Variants in SEMA3C observed in about 807,000 individuals in gnomAD.
SEMA3C encodes semaphorin-3C.
SEMA3C carries 47 observed loss-of-function variants against 89.4 expected under a neutral mutation model. That is an observed-to-expected ratio of 0.53 (90% CI 0.42 to 0.67). The LOEUF (loss-of-function observed/expected upper bound fraction) is 0.67, where lower values mean the gene tolerates loss of function less well. Among genes scored for constraint, SEMA3C ranks in the 30% least tolerant of loss-of-function variants. SEMA3C has a pLI of 0.00. For synonymous variants in SEMA3C, 310 were observed against 320.2 expected, an observed-to-expected ratio of 0.97 and a Z score of 0.34; for missense variants, 839 against 929.1, an observed-to-expected ratio of 0.90 and a Z score of 1.26.
intron 2 of SEMA3C, among the ~76,000 whole-genome samples, chr7:80,886,614 A>G (rs185385031): frequency 8.9e-4 from 135 of 152,252 alleles, no homozygotes; most frequent in Admixed American, 2.6e-3. Flanking sequence ...AGCCTCCCAA[A>G]GTGCTGGGAT....
chr7:80,776,977 G>T (rs1414204975), intron 12 of SEMA3C, among the ~76,000 whole-genome samples: 1 of 152,002 alleles, frequency 6.6e-6, no homozygotes, highest in African/African-American at 2.4e-5. Flanking sequence ...ATATATCATA[G>T]ATATGTGTGA....
intron 10 of SEMA3C, 101 bp downstream of exon 10, chr7:80,800,656 T>A (rs1447550852): frequency 4.1e-6 from 3 of 731,830 alleles, no homozygotes; most frequent in Non-Finnish European, 6.8e-6. Context: ...CCAAATGACA[T>A]GTAAAATTAA....
intron 7 of SEMA3C, 37 bp downstream of exon 7, chr7:80,805,602 C>T (rs2030924): frequency 0.18 from 287,177 of 1,561,560 alleles, 28,119 homozygotes; most frequent in Non-Finnish European, 0.2. Flanking sequence ...TAGTTTAACA[C>T]GATACTAAAA....
At chr7:80,911,591 T>C (rs1276996069) in intron 2 of SEMA3C, among the ~76,000 whole-genome samples, 1 of 152,010 alleles carries the variant, frequency 6.6e-6, no homozygotes, top group Non-Finnish European at 1.5e-5. Flanking sequence ...TGTTTAGGCA[T>C]GTCTATTAAT....
rs183276908 is a variant in SEMA3C at position 80,767,435 on chromosome 7, G to C, written c.1355-2192C>G. On this transcript the variant is annotated intron_variant, in intron 12 of 17. Transcript: ENST00000265361. ...ATATTTATGTCAAGATTTATAAATGGTTTCACAAGTCATGTAAACATTATG... is the reference window on the plus strand; with the variant it reads ...ATATTTATGTCAAGATTTATAAATGCTTTCACAAGTCATGTAAACATTATG... Among the ~76,000 whole-genome samples, 664 of 152,132 alleles carry C rather than the reference G, an allele frequency of 4.4e-3. 9 individuals are homozygous for C. The highest frequency in any genetic ancestry group is 0.015 in the African/African-American group (611 of 41,496).
chr7:80,848,830 CTA>C (rs1387918673), intron 2 of SEMA3C, among the ~76,000 whole-genome samples: 5 of 152,082 alleles, frequency 3.3e-5, no homozygotes, highest in Non-Finnish European at 7.4e-5. Context: ...TCTTCTCAGT[CTA>C]TGTTTTCGTT....
intron 2 of SEMA3C, among the ~76,000 whole-genome samples, chr7:80,838,331 C>G (rs1790182674): frequency 6.6e-6 from 1 of 152,258 alleles, no homozygotes; most frequent in African/African-American, 2.4e-5. Flanking sequence ...AGAATAATCT[C>G]TAATGTTCTG....
chr7:80,776,050 T>G (rs2117082458), intron 12 of SEMA3C, among the ~76,000 whole-genome samples: 1 of 152,266 alleles, frequency 6.6e-6, no homozygotes, highest in African/African-American at 2.4e-5. Flanking sequence ...AAGATTACTT[T>G]ACTAAATCAG....
chr7:80,892,461 T>C (rs190090672), intron 2 of SEMA3C, among the ~76,000 whole-genome samples: 79 of 152,234 alleles, frequency 5.2e-4, no homozygotes, highest in African/African-American at 1.8e-3. Flanking sequence ...AAGTTGTGTG[T>C]ATATTGTCTG....
intron 2 of SEMA3C, among the ~76,000 whole-genome samples, chr7:80,867,549 G>A (rs1421316726): frequency 6.6e-6 from 1 of 152,030 alleles, no homozygotes; most frequent in Non-Finnish European, 1.5e-5. Context: ...TGACCTCTTC[G>A]TGTTTCCCTG....
At chr7:80,888,950 G>A (rs1393634480) in intron 2 of SEMA3C, among the ~76,000 whole-genome samples, 2 of 152,148 alleles carry the variant, frequency 1.3e-5, no homozygotes, top group African/African-American at 4.8e-5. Flanking sequence ...TGCAACCTCT[G>A]CCTCCCAGGT....
intron 17 of SEMA3C, among the ~76,000 whole-genome samples, chr7:80,747,214 G>A (rs1179159271): frequency 6.6e-6 from 1 of 151,920 alleles, no homozygotes; most frequent in East Asian, 1.9e-4. Flanking sequence ...AGTCAAAATA[G>A]TAATATTTGA....
chr7:80,919,038 A>C lies in SEMA3C; in HGVS notation c.-249T>G. Reference sequence around the variant, plus strand: ...GAGCTCTTCTCCGCGTCGCTCAATCAAGCACCTCGGAGTGAATGGAAAGTG... The same window carrying C: ...GAGCTCTTCTCCGCGTCGCTCAATCCAGCACCTCGGAGTGAATGGAAAGTG... On this transcript the variant is annotated 5_prime_UTR_variant, in exon 1 of 18. Transcript: ENST00000265361. 1.0e-6 allele frequency: 1 copy of C among 985,284 alleles called. No individual in the cohort carries two copies. The highest frequency in any genetic ancestry group is 1.2e-6 in the Non-Finnish European group (1 of 829,894). 61.0% of individuals were successfully genotyped at this position (985,284 alleles called of 1,614,324 possible).
intron 2 of SEMA3C, among the ~76,000 whole-genome samples, chr7:80,836,571 G>C (rs930290233): frequency 6.6e-6 from 1 of 151,820 alleles, no homozygotes; most frequent in Non-Finnish European, 1.5e-5. Flanking sequence ...CCAGCTACTC[G>C]GGAGGCTGAG....
chr7:80,766,412 T>A (rs11980784), intron 12 of SEMA3C, among the ~76,000 whole-genome samples: 15,300 of 128,382 alleles, frequency 0.12, 845 homozygotes, highest in South Asian at 0.15. Flanking sequence ...ACTTCAGCTA[T>A]GACAGGAAAT....
chr7:80,885,818 G>C (rs577863331), intron 2 of SEMA3C, among the ~76,000 whole-genome samples: 13 of 152,052 alleles, frequency 8.5e-5, no homozygotes, highest in Non-Finnish European at 1.5e-4. Flanking sequence ...ACATTCCACC[G>C]CTCCAAAAAT....
intron 2 of SEMA3C, among the ~76,000 whole-genome samples, chr7:80,849,054 C>T (rs984594834): frequency 6.6e-6 from 1 of 152,064 alleles, no homozygotes; most frequent in Admixed American, 6.5e-5. Flanking sequence ...GATTTTACTG[C>T]CTTTTAATCC....
chr7:80,867,089 A>C (rs909900815), intron 2 of SEMA3C, among the ~76,000 whole-genome samples: 1 of 152,194 alleles, frequency 6.6e-6, no homozygotes, highest in Non-Finnish European at 1.5e-5. Flanking sequence ...AAATATACAA[A>C]ATACACAACA....
intron 2 of SEMA3C, among the ~76,000 whole-genome samples, chr7:80,901,889 T>G (rs1001767490): frequency 6.6e-6 from 1 of 152,242 alleles, no homozygotes; most frequent in African/African-American, 2.4e-5. Flanking sequence ...ATTGATGCAC[T>G]AAAACAAAGA....
Sources: gnomAD v4.1 joint callset for allele counts (sites outside exome capture counted in the v4.1 genomes callset) on GRCh38, gnomAD v4.1.1 for gene constraint, MANE v1.5 for transcripts, NCBI Gene and HGNC (gene_info 2026-07-23, HGNC 2026-07-21) for gene names.